ACE: variants seen among roughly 807,000 people sequenced by gnomAD.
ACE encodes angiotensin I converting enzyme, also known as angiotensin-converting enzyme.
In ACE, 122 loss-of-function variants were observed where a neutral mutation model predicts 162.3. The ratio of observed to expected loss-of-function variants is 0.75; its 90% confidence interval spans 0.65 to 0.87. The LOEUF (loss-of-function observed/expected upper bound fraction) is 0.87, where lower values mean the gene tolerates loss of function less well. Ranked by LOEUF, ACE falls within the 40% of genes least tolerant of loss-of-function variation. ACE has a pLI of 0.00. For synonymous variants in ACE, 796 were observed against 720.6 expected, an observed-to-expected ratio of 1.10 and a Z score of -1.68; for missense variants, 1,799 against 1,735.1, an observed-to-expected ratio of 1.04 and a Z score of -0.65.
At position 63,484,786 on chromosome 17, in the gene ACE, C is replaced by T. The variant is rs1257459442; in HGVS notation, c.1921+245C>T. ...CTCCCCTTCCAGAGGAAGCCAGACACAAGGCTCTGTGAGGTCACACTGCGG... is the reference window on the plus strand; with the variant it reads ...CTCCCCTTCCAGAGGAAGCCAGACATAAGGCTCTGTGAGGTCACACTGCGG... On this transcript the variant is annotated intron_variant, in intron 12 of 24. Coordinates refer to ENST00000290866, the MANE Select transcript of ACE (RefSeq NM_000789.4). This position sits in a 1 kb window ranked among gnomAD's most constrained non-coding sequence, Gnocchi z 4.0. The T allele has an allele frequency of 2.0e-6, 3 of 1,485,310 alleles. No homozygotes were observed. The highest frequency in any genetic ancestry group is 4.9e-5 in the East Asian group (2 of 40,542). 92.0% of individuals were successfully genotyped at this position (1,485,310 alleles called of 1,614,324 possible).
In ACE at chr17:63,477,062, G is replaced by A. The variant is rs1227284394; in HGVS notation, c.-33G>A. ...CCCGCAGGGCGGCCGCGGCGCAGGA[G>A]AAGGGGCAGAGCCGAGCACCGCGCA... On this transcript the variant is annotated 5_prime_UTR_variant, in exon 1 of 25. Coordinates refer to ENST00000290866, the MANE Select transcript of ACE (RefSeq NM_000789.4). 1.0e-5 allele frequency: 13 copies of A among 1,242,206 alleles called. No individual in the cohort carries two copies. Among genetic ancestry groups the A allele is most frequent in the Non-Finnish European group, 1.3e-5 (13 of 995,720 alleles). 76.9% of individuals were successfully genotyped at this position (1,242,206 alleles called of 1,614,324 possible).
In ACE at chr17:63,487,331, C is replaced by T. The variant is rs74724462; in HGVS notation, c.2305+258C>T. 5.3e-5 allele frequency among the ~76,000 whole-genome samples: 8 copies of T among 152,262 alleles called. No individual in the cohort carries two copies. The East Asian group carries it at 1.5e-3, about 29-fold the overall frequency. On this transcript the variant is annotated intron_variant, in intron 15 of 24. Transcript: ENST00000290866. ...AAGGGTGTCCACTCTCTCCTGTCCTCTCTGCATGCCGCCCCTCAGAGCAGC... is the reference window on the plus strand; with the variant it reads ...AAGGGTGTCCACTCTCTCCTGTCCTTTCTGCATGCCGCCCCTCAGAGCAGC...
At position 63,496,475 on chromosome 17, in the gene ACE, G is replaced by A; in HGVS notation, c.3462G>A (p.Lys1154=). 1 of 1,614,206 alleles carries A rather than the reference G, an allele frequency of 6.2e-7. No individual in the cohort carries two copies. Among genetic ancestry groups the A allele is most frequent in the Non-Finnish European group, 8.5e-7 (1 of 1,180,042 alleles). The part of the protein sequence containing the change: ...QAAGHTGPLH[K]CDIYQSKEAG... ...CTGGCCACACGGGCCCCCTGCACAA[G>A]TGTGACATCTACCAGTCCAAGGAGG... Residue 1154 remains lysine, a synonymous_variant, in exon 23 of 25, where the codon AAG becomes AAA. Coordinates refer to ENST00000290866, the MANE Select transcript of ACE (RefSeq NM_000789.4).
chr17:63,494,628 G>A (rs985711009), intron 22 of ACE, among the ~76,000 whole-genome samples, 158 bp downstream of exon 22: 2 of 152,348 alleles, frequency 1.3e-5, no homozygotes, highest in East Asian at 1.9e-4. Flanking sequence ...ACACTGCCAA[G>A]GCTGATGGGT....
intron 8 of ACE, 37 bp downstream of exon 8, chr17:63,482,726 C>T: frequency 6.3e-7 from 1 of 1,591,860 alleles, no homozygotes; most frequent in Non-Finnish European, 8.6e-7. Flanking sequence ...CCAGCCTCAC[C>T]TAAACCCCGC....
chr17:63,483,780 G>T, intron 10 of ACE, 69 bp from the exon 11 acceptor site: 1 of 1,611,596 alleles, frequency 6.2e-7, no homozygotes, highest in Non-Finnish European at 8.5e-7. Flanking sequence ...AAGCTGGATG[G>T]TGCCTGGGTA....
intron 7 of ACE, among the ~76,000 whole-genome samples, chr17:63,481,969 G>A (rs1043518705): frequency 5.3e-5 from 8 of 152,142 alleles, no homozygotes; most frequent in Non-Finnish European, 5.9e-5. Context: ...GAGGAAGAAG[G>A]CCCAAGTGGT....
chr17:63,482,068 G>A (rs1481401984), intron 7 of ACE, among the ~76,000 whole-genome samples: 4 of 152,136 alleles, frequency 2.6e-5, no homozygotes, highest in South Asian at 2.1e-4. Flanking sequence ...AGGTCAAGGC[G>A]GGTGGATCAC....
intron 19 of ACE, among the ~76,000 whole-genome samples, chr17:63,493,191 G>A (rs1453255653): frequency 6.6e-6 from 1 of 152,232 alleles, no homozygotes; most frequent in Non-Finnish European, 1.5e-5. Context: ...GGGGGCTGGA[G>A]TCATTCAGGA....
chr17:63,497,580 A>C lies in ACE; in HGVS notation c.*214A>C. Reference sequence around the variant, plus strand: ...GCCTGACACTGAGCCCCACCTCTCCAAGTCTCTCTGTGAATACAATTAAAG... The same window carrying C: ...GCCTGACACTGAGCCCCACCTCTCCCAGTCTCTCTGTGAATACAATTAAAG... On this transcript the variant is annotated 3_prime_UTR_variant, in exon 25 of 25. Coordinates refer to ENST00000290866, the MANE Select transcript of ACE (RefSeq NM_000789.4). 1 of 700,552 alleles carries C rather than the reference A, an allele frequency of 1.4e-6. No individual in the cohort carries two copies. The highest frequency in any genetic ancestry group is 2.6e-6 in the Non-Finnish European group (1 of 384,646). 43.4% of individuals were successfully genotyped at this position (700,552 alleles called of 1,614,324 possible). A position where few individuals can be genotyped will look rare whatever the true frequency, so the allele number is the denominator to read the frequency against.
In ACE at chr17:63,491,481, G is replaced by A. The variant is rs2030382947; in HGVS notation, c.2912+100G>A. The A allele has an allele frequency of 6.7e-7, 1 of 1,491,992 alleles. No homozygotes were observed. The highest frequency in any genetic ancestry group is 9.3e-7 in the Non-Finnish European group (1 of 1,080,860). The allele number at this position is 1,491,992 out of a possible 1,614,324, so 92.4% of individuals were successfully genotyped here. On this transcript the variant is annotated intron_variant, in intron 19 of 24. Coordinates refer to ENST00000290866, the MANE Select transcript of ACE (RefSeq NM_000789.4). This position sits in a 1 kb window ranked among gnomAD's most constrained non-coding sequence, Gnocchi z 4.4. ...TACTGTCCCCCAGCTGGAGCCAGCA[G>A]GGCAGGATGGGGACAGGGCCAGAGT...
In ACE at chr17:63,482,710, C is replaced by T. The variant is rs377210829; in HGVS notation, c.1342+21C>T. The T allele has an allele frequency of 6.2e-6, 10 of 1,609,314 alleles. No individual in the cohort carries two copies. In the African/African-American group the frequency reaches 1.2e-4, roughly 19 times the overall value. On this transcript the variant is annotated intron_variant, in intron 8 of 24. Transcript: ENST00000290866. ...CACGGGTATGGGAGGGCTGAGAGGC[C>T]CCCACCCAGCCTCACCTAAACCCCG...
intron 13 of ACE, 180 bp downstream of exon 13, chr17:63,485,552 G>A (rs1425173532): frequency 1.6e-5 from 13 of 804,052 alleles, no homozygotes; most frequent in Admixed American, 2.1e-5. Context: ...AGGGGGAGGC[G>A]GGCGGATCAC....
intron 15 of ACE, 30 bp downstream of exon 15, chr17:63,487,103 G>A (rs754523883): frequency 1.9e-6 from 3 of 1,602,244 alleles, no homozygotes; most frequent in Admixed American, 1.7e-5. Context: ...CTGAGTGAGA[G>A]GCGAGGGCTG....
intron 13 of ACE, chr17:63,485,786 A>C (rs1221175558): frequency 2.1e-5 from 5 of 238,038 alleles, no homozygotes; most frequent in Admixed American, 5.2e-5. Context: ...AAAAAAAAAA[A>C]AAAAAACTCA....
At chr17:63,483,255 A>G (rs1266630659) in intron 9 of ACE, 82 bp downstream of exon 9, 10 of 1,606,268 alleles carry the variant, frequency 6.2e-6, no homozygotes, top group Admixed American at 3.3e-5. Flanking sequence ...TGCCCCAGCC[A>G]GTTCTAGCCT....
At chr17:63,479,238 G>A (rs2049668486) in intron 3 of ACE, 138 bp downstream of exon 3, 4 of 751,412 alleles carry the variant, frequency 5.3e-6, no homozygotes, top group Non-Finnish European at 9.2e-6. Flanking sequence ...ACTGGGGCTG[G>A]ACGGTGCAGA....
In ACE at chr17:63,481,574, C is replaced by A. The variant is rs750747849; in HGVS notation, c.954C>A (p.Asn318Lys). 6.2e-7 allele frequency: 1 copy of A among 1,613,874 alleles called. No homozygotes were observed. Among genetic ancestry groups the A allele is most frequent in the South Asian group, 1.1e-5 (1 of 91,074 alleles). ...VTSTMLQQGW[N>K]ATHMFRVAEE... ...CCACACCCCTCCTCCAGGGCTGGAA[C>A]GCCACGCACATGTTCCGGGTGGCAG... is the stretch of plus-strand genomic sequence containing the variant. Residue 318 changes from asparagine to lysine, a missense_variant, in exon 7 of 25, where the codon AAC (asparagine) becomes AAA (lysine). Asn to Lys is a moderately conservative substitution (Grantham distance 94, BLOSUM62 0). Coordinates refer to ENST00000290866, the MANE Select transcript of ACE (RefSeq NM_000789.4).
chr17:63,486,461 C>A, intron 13 of ACE, 96 bp from the exon 14 acceptor site: 1 of 1,405,854 alleles, frequency 7.1e-7, no homozygotes, highest in Non-Finnish European at 9.9e-7. Context: ...GCCCCCTCAC[C>A]ACCACCTCCA....
Sources: allele counts gnomAD v4.1 joint callset (sites outside exome capture counted in the v4.1 genomes callset), GRCh38; gene constraint gnomAD v4.1.1; non-coding constraint Gnocchi (gnomAD v3.1); transcripts MANE v1.5; gene names NCBI Gene and HGNC (gene_info 2026-07-23, HGNC 2026-07-21).